The following RER1 variants were observed in gnomAD, a reference collection of about 807,000 sequenced individuals.
The protein encoded by RER1 is retention in endoplasmic reticulum sorting receptor 1, also known as protein RER1.
Under a neutral mutation model 28.3 loss-of-function variants are expected in RER1, and 6 were observed. That is an observed-to-expected ratio of 0.21 (90% CI 0.12 to 0.42). RER1 has a LOEUF of 0.42. Ranked by LOEUF, RER1 falls within the 10% of genes least tolerant of loss-of-function variation. The pLI, the probability that RER1 is intolerant of heterozygous loss-of-function variation, is 1.00. For missense variants in RER1, 159 were observed against 252.9 expected (o/e 0.63, Z 2.52); for synonymous variants, 110 against 95.9 (o/e 1.15, Z -0.86).
chr1:2,397,523 G>A (rs934201600), intron 3 of RER1, among the ~76,000 whole-genome samples: 1 of 152,198 alleles, frequency 6.6e-6, no homozygotes, highest in Non-Finnish European at 1.5e-5. Flanking sequence ...CTCCGACCCT[G>A]CTGCATGATG....
Position 2,403,776 on chromosome 1 carries a change from T to C in RER1, c.*652T>C, listed in dbSNP as rs1254880845. On this transcript the variant is annotated 3_prime_UTR_variant, in exon 7 of 7. Transcript: ENST00000605895. ...ATTGTTTGAGATTATTTTGACACATTTCTTTGATACGTAGAGTGTTTTGTT... is the reference window on the plus strand; with the variant it reads ...ATTGTTTGAGATTATTTTGACACATCTCTTTGATACGTAGAGTGTTTTGTT... The C allele has an allele frequency of 6.6e-6, 1 of 152,616 alleles. No homozygotes were observed. The highest frequency in any genetic ancestry group is 1.9e-4 in the East Asian group (1 of 5,206). 9.5% of individuals were successfully genotyped at this position (152,616 alleles called of 1,614,324 possible). A position where few individuals can be genotyped will look rare whatever the true frequency, so the allele number is the denominator to read the frequency against.
chr1:2,403,121 C>A lies in RER1; in HGVS notation c.588C>A (p.Ser196Arg), dbSNP rs1351010471. The change falls in exon 7 of 7, where the codon AGC (serine) becomes AGA (arginine). Residue 196 changes from serine to arginine, a missense_variant. By Grantham distance (110) the Ser-to-Arg change is moderately radical. Transcript: ENST00000605895. ...AGGATGCCGGCAAGGCCTTCGCCAG[C>A]TAGAAGCGGGACTGAGGCTGCCTCA... ...GKEDAGKAFA[S>R] The A allele has an allele frequency of 1.9e-6, 3 of 1,613,438 alleles. No individual in the cohort carries two copies. The highest frequency in any genetic ancestry group is 2.5e-6 in the Non-Finnish European group (3 of 1,179,504).
At chr1:2,397,479 C>T (rs942870320) in intron 3 of RER1, among the ~76,000 whole-genome samples, 1 of 152,180 alleles carries the variant, frequency 6.6e-6, no homozygotes, top group Admixed American at 6.5e-5. Flanking sequence ...GCCCTGGGCA[C>T]GTCCAGGCCT....
chr1:2,397,278 T>G (rs983005628), intron 3 of RER1, 58 bp downstream of exon 3: 63 of 1,085,246 alleles, frequency 5.8e-5, no homozygotes, highest in Non-Finnish European at 8.6e-5. Context: ...GGGCGTGATG[T>G]TTGTGGGGAT....
intron 4 of RER1, among the ~76,000 whole-genome samples, chr1:2,400,366 C>T (rs1642828161): frequency 6.6e-6 from 1 of 152,204 alleles, no homozygotes; most frequent in Non-Finnish European, 1.5e-5. Flanking sequence ...ACAAAGAGCC[C>T]CTTTCCTGTA....
intron 6 of RER1, 22 bp from the exon 7 acceptor site, chr1:2,403,013 G>A: frequency 6.2e-7 from 1 of 1,600,370 alleles, no homozygotes; most frequent in Non-Finnish European, 8.6e-7. Context: ...TGCAGTAACT[G>A]AGTCTGTGTT....
In RER1 at chr1:2,403,675, A is replaced by G. The variant is rs1209162244; in HGVS notation, c.*551A>G. ...GATGTTTAAAGTTGGCCTCTATCCT[A>G]ATGACTCAAAACTTGGTTCTTAACT... is the stretch of plus-strand genomic sequence containing the variant. On this transcript the variant is annotated 3_prime_UTR_variant, in exon 7 of 7. Transcript: ENST00000605895. The G allele has an allele frequency of 1.3e-5, 2 of 152,918 alleles. No homozygotes were observed. Among genetic ancestry groups the G allele is most frequent in the Non-Finnish European group, 2.9e-5 (2 of 68,256 alleles). 9.5% of individuals were successfully genotyped at this position (152,918 alleles called of 1,614,324 possible). A position where few individuals can be genotyped will look rare whatever the true frequency, so the allele number is the denominator to read the frequency against.
rs555336944 is a variant in RER1 at position 2,403,307 on chromosome 1, G to A, written c.*183G>A. ...AAGAAACTGGCGCTTAAACCAAATC[G>A]CATGGATTTCTTTTTCAGTGACGTT... On this transcript the variant is annotated 3_prime_UTR_variant, in exon 7 of 7. Coordinates refer to ENST00000605895, the MANE Select transcript of RER1 (RefSeq NM_007033.5). The A allele has an allele frequency of 1.8e-6, 1 of 558,946 alleles. No individual in the cohort carries two copies. 34.6% of individuals were successfully genotyped at this position (558,946 alleles called of 1,614,324 possible).
intron 5 of RER1, among the ~76,000 whole-genome samples, chr1:2,401,252 T>TTCCTCCCTACTCC (rs1642847296): frequency 1.6e-5 from 1 of 62,236 alleles, no homozygotes; most frequent in Admixed American, 1.6e-4. Flanking sequence ...TCCTCCCTCC[T>TTCCTCCCTACTCC]TCCTCCCTCC....
chr1:2,391,869 G>T lies in RER1; in HGVS notation c.-97G>T. The T allele has an allele frequency of 3.7e-6, 1 of 272,910 alleles. No individual in the cohort carries two copies. 16.9% of individuals were successfully genotyped at this position (272,910 alleles called of 1,614,324 possible). A position where few individuals can be genotyped will look rare whatever the true frequency, so the allele number is the denominator to read the frequency against. The stretch of plus-strand genomic sequence containing the variant: ...TGCTCGCTGCAGCTTCCCGGAGCCG[G>T]AGCGCAGCGCCTGCGGCCGCCCGTG... On this transcript the variant is annotated 5_prime_UTR_variant, in exon 1 of 7. Coordinates refer to ENST00000605895, the MANE Select transcript of RER1 (RefSeq NM_007033.5).
chr1:2,392,263 T>TCGTCCGCATCC (rs1642688848), intron 1 of RER1, among the ~76,000 whole-genome samples: 1 of 152,116 alleles, frequency 6.6e-6, no homozygotes, highest in African/African-American at 2.4e-5. Context: ...GGGCCGCATC[T>TCGTCCGCATCC]CGTCCGCATC....
chr1:2,399,827 C>T (rs1000072187), intron 4 of RER1, among the ~76,000 whole-genome samples: 10 of 152,172 alleles, frequency 6.6e-5, no homozygotes, highest in African/African-American at 1.9e-4. Flanking sequence ...CTCCAGCCCC[C>T]GTCCCACCCC....
At chr1:2,402,495 A>G (rs1642881133) in intron 6 of RER1, among the ~76,000 whole-genome samples, 153 bp downstream of exon 6, 2 of 69,298 alleles carry the variant, frequency 2.9e-5, no homozygotes, top group South Asian at 1.0e-3. Flanking sequence ...TGACGAGGAC[A>G]CTGCTCCGTT....
intron 5 of RER1, 117 bp downstream of exon 5, chr1:2,401,052 C>G: frequency 1.2e-6 from 1 of 852,096 alleles, no homozygotes; most frequent in Non-Finnish European, 2.0e-6. Flanking sequence ...GGGCTGGGCA[C>G]GGGGAATCGC....
intron 5 of RER1, 191 bp from the exon 6 acceptor site, chr1:2,402,016 G>C: frequency 6.6e-7 from 1 of 1,523,956 alleles, no homozygotes. Context: ...TGTTTCTGTG[G>C]TTAGGGCAGT....
At position 2,402,370 on chromosome 1, in the gene RER1, G is replaced by A. The variant is rs532265776; in HGVS notation, c.501+28G>A. 5.6e-5 allele frequency: 90 copies of A among 1,613,578 alleles called. No individual in the cohort carries two copies. In the South Asian group the frequency reaches 8.0e-4, roughly 14 times the overall value. ...AAAGCAGAGGCGCTGCCGCCACGCC[G>A]GCCGCAATCGCTGTTCTGTTACCCG... On this transcript the variant is annotated intron_variant, in intron 6 of 6. Coordinates refer to ENST00000605895, the MANE Select transcript of RER1 (RefSeq NM_007033.5).
intron 1 of RER1, chr1:2,394,828 G>A (rs533642935): frequency 6.6e-6 from 1 of 152,406 alleles, no homozygotes; most frequent in African/African-American, 2.4e-5. Context: ...CGTCACCCCT[G>A]GCGTCTTCTC....
intron 3 of RER1, among the ~76,000 whole-genome samples, chr1:2,398,689 G>A (rs1408236341): frequency 6.6e-6 from 1 of 152,302 alleles, no homozygotes; most frequent in Non-Finnish European, 1.5e-5. Context: ...ACACCCGACA[G>A]AAATTTAAGG....
At chr1:2,397,417 C>T (rs142063397) in intron 3 of RER1, among the ~76,000 whole-genome samples, 197 bp downstream of exon 3, 101 of 152,326 alleles carry the variant, frequency 6.6e-4, no homozygotes, top group Non-Finnish European at 1.1e-3. Flanking sequence ...CCCGGAGTCG[C>T]CTCGCCAGGC....
Sources: gnomAD v4.1 joint callset for allele counts (sites outside exome capture counted in the v4.1 genomes callset) on GRCh38, gnomAD v4.1.1 for gene constraint, MANE v1.5 for transcripts, NCBI Gene and HGNC (gene_info 2026-07-23, HGNC 2026-07-21) for gene names.